Variants in NCALD observed in about 807,000 individuals in gnomAD.
NCALD encodes neurocalcin-delta.
Under a neutral mutation model 18.6 loss-of-function variants are expected in NCALD, and 10 were observed. The ratio of observed to expected loss-of-function variants is 0.54; its 90% CI spans 0.33 to 0.91. NCALD has a LOEUF of 0.91. NCALD is among the 40% of genes least tolerant of loss of function. NCALD has a pLI of 0.03. For synonymous variants in NCALD, 88 were observed against 87.4 expected, an observed-to-expected ratio of 1.01 and a Z score of -0.04; for missense variants, 184 against 247.6, an observed-to-expected ratio of 0.74 and a Z score of 1.72.
intron 1 of NCALD, among the ~76,000 whole-genome samples, chr8:102,082,604 T>C (rs753283446): frequency 2.0e-4 from 31 of 152,194 alleles, no homozygotes; most frequent in Non-Finnish European, 3.4e-4. Flanking sequence ...CCCCTAGGCA[T>C]TGTTTAACAT....
chr8:101,972,733 T>C (rs558767094), intron 2 of NCALD, among the ~76,000 whole-genome samples: 13 of 152,156 alleles, frequency 8.5e-5, no homozygotes, highest in Non-Finnish European at 1.5e-4. Context: ...AATATTGAGA[T>C]AAAGCCTTGA....
chr8:101,853,951 C>T (rs564718), intron 4 of NCALD, among the ~76,000 whole-genome samples: 57,920 of 151,984 alleles, frequency 0.38, 13,675 homozygotes, highest in African/African-American at 0.66. Context: ...TCTGGTTGAC[C>T]TGTAAGCCAC....
chr8:101,815,275 C>A (rs1359785256), intron 4 of NCALD, among the ~76,000 whole-genome samples: 1 of 151,990 alleles, frequency 6.6e-6, no homozygotes, highest in Non-Finnish European at 1.5e-5. Flanking sequence ...ACAAATAGAT[C>A]AATGGAACAG....
intron 1 of NCALD, among the ~76,000 whole-genome samples, chr8:101,782,236 T>C (rs1277762164): frequency 6.6e-6 from 1 of 152,032 alleles, no homozygotes; most frequent in African/African-American, 2.4e-5. Flanking sequence ...TAATAGGTTA[T>C]ATGTTTAAAA....
intron 1 of NCALD, among the ~76,000 whole-genome samples, chr8:102,112,416 G>A (rs1825669051): frequency 6.6e-6 from 1 of 152,084 alleles, no homozygotes; most frequent in Admixed American, 6.6e-5. Flanking sequence ...ACAACAGATT[G>A]CCTCCACATT....
intron 2 of NCALD, among the ~76,000 whole-genome samples, chr8:101,990,915 C>T (rs1238377701): frequency 1.3e-5 from 2 of 152,166 alleles, no homozygotes; most frequent in African/African-American, 4.8e-5. Flanking sequence ...CCTGAGCACA[C>T]AGCAGACGAA....
chr8:101,867,646 T>A (rs1011211040), intron 4 of NCALD, among the ~76,000 whole-genome samples: 1 of 152,214 alleles, frequency 6.6e-6, no homozygotes, highest in Non-Finnish European at 1.5e-5. Context: ...GTGAAATTTA[T>A]CATGGAAAAG....
At chr8:101,727,379 A>G (rs1031913848) in intron 1 of NCALD, among the ~76,000 whole-genome samples, 1 of 152,170 alleles carries the variant, frequency 6.6e-6, no homozygotes, top group Non-Finnish European at 1.5e-5. Context: ...CTGAAATCTT[A>G]CTTTTCACTC....
chr8:101,870,906 C>G (rs1419582491), intron 4 of NCALD, among the ~76,000 whole-genome samples: 2 of 90,946 alleles, frequency 2.2e-5, no homozygotes, highest in East Asian at 4.5e-4. Context: ...CACCCCCCCC[C>G]CCCAAAAAAA....
chr8:102,012,927 C>T (rs552269308), intron 2 of NCALD, among the ~76,000 whole-genome samples: 1 of 152,256 alleles, frequency 6.6e-6, no homozygotes, highest in South Asian at 2.1e-4. Context: ...TAATATAATA[C>T]AGTTGTCACA....
chr8:101,861,485 A>G (rs1815540179), intron 4 of NCALD, among the ~76,000 whole-genome samples: 1 of 152,138 alleles, frequency 6.6e-6, no homozygotes, highest in Non-Finnish European at 1.5e-5. Context: ...ACCTCATGAG[A>G]AACCTGGAAG....
chr8:101,880,968 T>C (rs1302688748), intron 4 of NCALD, among the ~76,000 whole-genome samples: 1 of 152,166 alleles, frequency 6.6e-6, no homozygotes, highest in Non-Finnish European at 1.5e-5. Context: ...AACTTTATTT[T>C]TGAGATAATC....
intron 1 of NCALD, among the ~76,000 whole-genome samples, chr8:102,077,748 A>C (rs1474088283): frequency 6.6e-6 from 1 of 152,152 alleles, no homozygotes; most frequent in Non-Finnish European, 1.5e-5. Context: ...TTGGTGGGCC[A>C]GATATCAGTT....
intron 1 of NCALD, among the ~76,000 whole-genome samples, chr8:102,025,870 T>A (rs574847697): frequency 4.6e-5 from 7 of 152,170 alleles, no homozygotes; most frequent in African/African-American, 1.7e-4. Flanking sequence ...AGGTAATTTA[T>A]AAAGAAAAGA....
chr8:101,845,669 G>C (rs965171793), intron 4 of NCALD, among the ~76,000 whole-genome samples: 2 of 152,152 alleles, frequency 1.3e-5, no homozygotes, highest in Admixed American at 1.3e-4. Flanking sequence ...TCATTTCTTT[G>C]TGTTGGAACA....
At chr8:101,817,340 T>C (rs1813536961) in intron 4 of NCALD, among the ~76,000 whole-genome samples, 1 of 152,204 alleles carries the variant, frequency 6.6e-6, no homozygotes, top group African/African-American at 2.4e-5. Context: ...TCACAGTTAA[T>C]TGGCAGATGA....
In NCALD at chr8:101,689,398, A is replaced by C; in HGVS notation, c.493T>G (p.Ser165Ala). 6.2e-7 allele frequency: 1 copy of C among 1,605,162 alleles called. No homozygotes were observed. Among genetic ancestry groups the C allele is most frequent in the Non-Finnish European group, 8.5e-7 (1 of 1,175,968 alleles). ...GCTCCTCGGATGAACTCTTCCAGGG[A>C]GAGTTTTCCTAGGAAGCAAGAGGAC... ...QMDTNRDGKL[S>A]LEEFIRGAKS... Residue 165 changes from serine (S) to alanine (A), a missense_variant, in exon 4 of 4, where the codon TCC becomes GCC. Transcript: ENST00000220931. The surrounding 1 kb of genome is among the most constrained non-coding windows in gnomAD (Gnocchi z 4.4).
At chr8:101,762,513 A>ATAAACCT (rs1375965396) in intron 1 of NCALD, among the ~76,000 whole-genome samples, 1 of 152,182 alleles carries the variant, frequency 6.6e-6, no homozygotes, top group Non-Finnish European at 1.5e-5. Context: ...AGATAAGAGA[A>ATAAACCT]TAAACCTTAG....
At chr8:101,868,495 C>T (rs1013489328) in intron 4 of NCALD, among the ~76,000 whole-genome samples, 3 of 152,218 alleles carry the variant, frequency 2.0e-5, no homozygotes, top group Non-Finnish European at 2.9e-5. Flanking sequence ...CCAAAGGTTA[C>T]TCCCTTTGCA....
Sources: gnomAD v4.1 joint callset for allele counts (sites outside exome capture counted in the v4.1 genomes callset) on GRCh38, gnomAD v4.1.1 for gene constraint, Gnocchi (gnomAD v3.1) non-coding constraint, MANE v1.5 for transcripts, NCBI Gene and HGNC (gene_info 2026-07-23, HGNC 2026-07-21) for gene names.